The following IGFL4 variants were observed in gnomAD, a reference collection of about 807,000 sequenced individuals.
IGFL4 encodes insulin growth factor-like family member 4.
In IGFL4, 12 loss-of-function variants were observed where a neutral mutation model predicts 15.4. That is an observed-to-expected ratio of 0.78 (90% CI 0.50 to 1.26). IGFL4 has a LOEUF of 1.26. Among genes scored for constraint, IGFL4 ranks in the 50% most tolerant of loss-of-function variants. The pLI, the probability that IGFL4 is intolerant of heterozygous loss-of-function variation, is 0.00. For synonymous variants in IGFL4, 54 were observed against 55.9 expected (o/e 0.97, Z 0.16); for missense variants, 126 against 147.8 (o/e 0.85, Z 0.76).
At position 46,047,684 on chromosome 19, in the gene IGFL4, C is replaced by G. The variant is rs187919687; in HGVS notation, c.-322-6574G>C. ...CTAGAAAATCTAGAAGAAATGGATA[C>G]ATCCCTAGACACATACACCCTCCCA... On this transcript the variant is annotated intron_variant, in intron 2 of 5. Coordinates refer to the IGFL4 transcript ENST00000601672. Among the ~76,000 whole-genome samples the G allele has an allele frequency of 3.4e-3, 512 of 152,052 alleles. 4 individuals carry two copies. Among genetic ancestry groups the G allele is most frequent in the African/African-American group, 0.011 (471 of 41,510 alleles).
chr19:46,070,029 GT>G (rs1036288469), intron 1 of IGFL4, among the ~76,000 whole-genome samples: 18 of 152,202 alleles, frequency 1.2e-4, no homozygotes, highest in African/African-American at 1.7e-4. Flanking sequence ...GGTAACGCTT[GT>G]TTTGTTCACT....
In IGFL4 at chr19:46,039,239, C is replaced by T. The variant is rs1228124547; in HGVS notation, c.*653G>A. Among the ~76,000 whole-genome samples the T allele has an allele frequency of 1.9e-3, 234 of 124,074 alleles. 2 individuals carry two copies. The highest frequency in any genetic ancestry group is 3.9e-3 in the South Asian group (14 of 3,566). 81.4% of individuals were successfully genotyped at this position (124,074 alleles called of 152,430 possible). The stretch of plus-strand genomic sequence containing the variant: ...TTATTTCTGAGGGCTCTGTTCTGTT[C>T]CATTGATCTATATCTCTGTTTTGGT... On this transcript the variant is annotated 3_prime_UTR_variant, in exon 4 of 4. Transcript: ENST00000377697.
At chr19:46,044,315 A>T (rs1484830773), upstream of IGFL4, among the ~76,000 whole-genome samples, 1 of 152,160 alleles carries the variant, frequency 6.6e-6, no homozygotes, top group Non-Finnish European at 1.5e-5. Context: ...TGGCCCTGGG[A>T]TCTGCAGCAA....
At chr19:46,070,024 C>T (rs970187364) in intron 1 of IGFL4, among the ~76,000 whole-genome samples, 8 of 152,136 alleles carry the variant, frequency 5.3e-5, no homozygotes, top group East Asian at 3.8e-4. Flanking sequence ...AGGAGGGTAA[C>T]GCTTGTTTTG....
intron 3 of IGFL4, 43 bp from the exon 4 acceptor site, chr19:46,039,979 T>C: frequency 6.5e-7 from 1 of 1,542,248 alleles, no homozygotes; most frequent in Non-Finnish European, 9.0e-7. Context: ...AGAGGGAGGG[T>C]GGTAGCAGCA....
At chr19:46,067,094 C>T (rs1012445743) in intron 1 of IGFL4, among the ~76,000 whole-genome samples, 3 of 152,070 alleles carry the variant, frequency 2.0e-5, no homozygotes, top group Admixed American at 2.0e-4. Flanking sequence ...AAGCTTCAAT[C>T]GTAGTCCCCA....
At chr19:46,047,780 T>G (rs1205154489) in intron 2 of IGFL4, among the ~76,000 whole-genome samples, 1 of 152,112 alleles carries the variant, frequency 6.6e-6, no homozygotes, top group Non-Finnish European at 1.5e-5. Context: ...GGGTAATAAA[T>G]AGCCTACCAA....
At chr19:46,069,342 A>G (rs559354908) in intron 1 of IGFL4, among the ~76,000 whole-genome samples, 2 of 152,152 alleles carry the variant, frequency 1.3e-5, no homozygotes, top group South Asian at 2.1e-4. Flanking sequence ...CAATTTTCAA[A>G]TATCACCTAA....
Position 46,040,510 on chromosome 19 carries a change from G to T in IGFL4, c.70+8C>A. 1 of 1,614,144 alleles carries T rather than the reference G, an allele frequency of 6.2e-7. No individual in the cohort carries two copies. Among genetic ancestry groups the T allele is most frequent in the East Asian group, 2.2e-5 (1 of 44,892 alleles). On this transcript the variant is annotated splice_region_variant and intron_variant, in intron 2 of 3. Transcript: ENST00000377697. The surrounding 1 kb of genome is among the most constrained non-coding windows in gnomAD (Gnocchi z 4.1). Reference sequence around the variant, plus strand: ...TGTTCTCTCCTCCCTCACTGCATCTGTTCTCACCTGTGACTCCTTCTGAGT... The same window carrying T: ...TGTTCTCTCCTCCCTCACTGCATCTTTTCTCACCTGTGACTCCTTCTGAGT...
chr19:46,063,623 C>T (rs35237775), intron 1 of IGFL4, among the ~76,000 whole-genome samples: 80,174 of 152,022 alleles, frequency 0.53, 21,516 homozygotes, highest in Non-Finnish European at 0.55. Flanking sequence ...CAGAGCCCTG[C>T]GCAGAGGAGA....
chr19:46,049,798 C>T (rs926417530), intron 2 of IGFL4, among the ~76,000 whole-genome samples: 4 of 152,142 alleles, frequency 2.6e-5, no homozygotes, highest in African/African-American at 9.7e-5. Flanking sequence ...TTGTATCCTC[C>T]CCACACAACC....
At chr19:46,058,145 G>A (rs1184183939) in intron 2 of IGFL4, 1 of 152,186 alleles carries the variant, frequency 6.6e-6, no homozygotes, top group Non-Finnish European at 1.5e-5. Context: ...CTTCCACCTA[G>A]GAGCCTGTAA....
upstream of IGFL4, among the ~76,000 whole-genome samples, chr19:46,044,923 C>T (rs1257045551): frequency 6.6e-6 from 1 of 152,130 alleles, no homozygotes; most frequent in African/African-American, 2.4e-5. Context: ...AAACAGAAAA[C>T]ACCAACAACA....
chr19:46,062,891 C>T (rs1404611237), intron 1 of IGFL4: 3 of 152,222 alleles, frequency 2.0e-5, no homozygotes, highest in Non-Finnish European at 4.4e-5. Context: ...GTCCCATGAT[C>T]CTGTACATGC....
intron 1 of IGFL4, among the ~76,000 whole-genome samples, chr19:46,071,283 C>T (rs896019788): frequency 1.3e-5 from 2 of 152,148 alleles, no homozygotes; most frequent in South Asian, 4.2e-4. Context: ...TCTTATTTGC[C>T]TCTCCCTTGA....
rs573452645 is a variant in IGFL4 at position 46,061,027 on chromosome 19, A to G, written c.-431-734T>C. 2.6e-5 allele frequency among the ~76,000 whole-genome samples: 4 copies of G among 152,300 alleles called. No homozygotes were observed. In the South Asian group the frequency reaches 8.3e-4, roughly 32 times the overall value. On this transcript the variant is annotated intron_variant, in intron 1 of 5. Transcript: ENST00000601672. ...GATAAACCTTTTGTACTTTTATTCC[A>G]ATGTTCAATTCATGGAAAAAACTGA...
rs753513190 is a variant in IGFL4, at chr19:46,040,975, A to G, written c.-13T>C. 29 of 1,584,362 alleles carry G rather than the reference A, an allele frequency of 1.8e-5. 1 individual carries two copies. The highest frequency in any genetic ancestry group is 2.4e-5 in the Non-Finnish European group (28 of 1,167,952). On this transcript the variant is annotated 5_prime_UTR_variant, in exon 1 of 4. Coordinates refer to ENST00000377697, the MANE Select transcript of IGFL4 (RefSeq NM_001002923.3). The surrounding 1 kb of genome is among the most constrained non-coding windows in gnomAD (Gnocchi z 4.1). ...TTCTGGGCACCATGGGTTAGGCTTC[A>G]GAGCAGCGGACGAGGGAGCAGCAGT... is the stretch of plus-strand genomic sequence containing the variant.
chr19:46,048,766 A>T (rs1178665890), intron 2 of IGFL4, among the ~76,000 whole-genome samples: 1 of 152,214 alleles, frequency 6.6e-6, no homozygotes, highest in Non-Finnish European at 1.5e-5. Context: ...AAAAAATCAG[A>T]TAGGACACAA....
At chr19:46,052,717 C>T (rs531125370) in intron 2 of IGFL4, among the ~76,000 whole-genome samples, 6 of 50,286 alleles carry the variant, frequency 1.2e-4, no homozygotes, top group African/African-American at 3.4e-4. Context: ...AGTGAAACTC[C>T]GTCAAAAAAA....
Sources: allele counts gnomAD v4.1 joint callset (sites outside exome capture counted in the v4.1 genomes callset), GRCh38; gene constraint gnomAD v4.1.1; non-coding constraint Gnocchi (gnomAD v3.1); transcripts MANE v1.5; gene names NCBI Gene and HGNC (gene_info 2026-07-23, HGNC 2026-07-21).